Variants in DLGAP2 observed in about 807,000 individuals in gnomAD.
DLGAP2 encodes the protein disks large-associated protein 2.
Under a neutral mutation model 100.3 loss-of-function variants are expected in DLGAP2, and 26 were observed. The observed-to-expected ratio is 0.26, with a 90% confidence interval of 0.19 to 0.36. The LOEUF (loss-of-function observed/expected upper bound fraction) is 0.36, where lower values mean the gene tolerates loss of function less well. Among genes scored for constraint, DLGAP2 ranks in the 10% least tolerant of loss-of-function variants. The pLI, the probability that DLGAP2 is intolerant of heterozygous loss-of-function variation, is 1.00. For missense variants in DLGAP2, 1,858 were observed against 1,453.2 expected (o/e 1.28, Z -4.53); for synonymous variants, 886 against 630.1 (o/e 1.41, Z -6.08).
chr8:1,445,954 T>A (rs1036630898), intron 3 of DLGAP2, among the ~76,000 whole-genome samples: 3 of 152,218 alleles, frequency 2.0e-5, no homozygotes, highest in African/African-American at 7.2e-5. Context: ...TTTTTTCTTG[T>A]AAATTTGTTT....
chr8:1,274,077 C>A (rs886760906), intron 3 of DLGAP2, among the ~76,000 whole-genome samples: 2 of 152,080 alleles, frequency 1.3e-5, no homozygotes, highest in Non-Finnish European at 2.9e-5. Flanking sequence ...CGTGACGGCT[C>A]TGTTCAGCAT....
intron 2 of DLGAP2, among the ~76,000 whole-genome samples, chr8:1,252,112 G>C (rs997836023): frequency 2.6e-5 from 4 of 151,316 alleles, no homozygotes; most frequent in African/African-American, 9.8e-5. Flanking sequence ...CGGTGTCAAA[G>C]TCATGTCATG....
intron 1 of DLGAP2, among the ~76,000 whole-genome samples, chr8:860,194 C>T (rs532916760): frequency 7.2e-5 from 11 of 152,304 alleles, no homozygotes; most frequent in Middle Eastern, 3.4e-3. Context: ...GCCTTACAGA[C>T]GGCCTTTCAG....
chr8:1,481,922 T>G lies in DLGAP2; in HGVS notation c.107-19444T>G, dbSNP rs978706227. 4.6e-5 allele frequency among the ~76,000 whole-genome samples: 7 copies of G among 152,202 alleles called. No individual in the cohort carries two copies. The East Asian group carries it at 1.3e-3, about 29-fold the overall frequency. On this transcript the variant is annotated intron_variant, in intron 3 of 14. Coordinates refer to ENST00000637795, the MANE Select transcript of DLGAP2 (RefSeq NM_001346810.2). ...GGCTCAAGCTTCCAGCCCGACCCGA[T>G]TATCCTTCTGATGCCAGGGTCCCCC...
At chr8:1,235,570 A>C in intron 2 of DLGAP2, among the ~76,000 whole-genome samples, 1 of 133,838 alleles carries the variant, frequency 7.5e-6, no homozygotes, top group African/African-American at 3.4e-5. Flanking sequence ...TAGTTCTCTC[A>C]CATGGCACCA....
chr8:1,163,871 C>T (rs1049413429), intron 2 of DLGAP2, among the ~76,000 whole-genome samples: 4 of 152,200 alleles, frequency 2.6e-5, no homozygotes, highest in African/African-American at 9.6e-5. Context: ...GCTGCCGACA[C>T]GTCCTTGCTG....
At chr8:785,285 C>T (rs1004465824) in intron 1 of DLGAP2, among the ~76,000 whole-genome samples, 10 of 149,130 alleles carry the variant, frequency 6.7e-5, no homozygotes, top group African/African-American at 4.9e-5. Flanking sequence ...GCGCCGGATC[C>T]TGCCATGCTT....
intron 4 of DLGAP2, among the ~76,000 whole-genome samples, chr8:1,547,298 G>C (rs947734143): frequency 1.3e-5 from 2 of 152,156 alleles, no homozygotes; most frequent in African/African-American, 4.8e-5. Flanking sequence ...GGAGCTTGCT[G>C]TCCTAGATGT....
intron 1 of DLGAP2, among the ~76,000 whole-genome samples, chr8:847,066 C>T (rs1002540098): frequency 4.6e-5 from 7 of 152,072 alleles, no homozygotes; most frequent in African/African-American, 1.7e-4. Flanking sequence ...ATTCTTTTAC[C>T]TTACATATTT....
chr8:1,115,881 G>T (rs1240006044), intron 2 of DLGAP2, among the ~76,000 whole-genome samples: 1 of 152,210 alleles, frequency 6.6e-6, no homozygotes, highest in Admixed American at 6.5e-5. Context: ...GACTGTGCCA[G>T]GTGTATGGAA....
In DLGAP2 at chr8:1,447,868, A is replaced by T. The variant is rs150679445; in HGVS notation, c.107-53498A>T. ...ATTTCTTCTAGATTTTCTAGTTTATATACGTAGAGGTGTTTGTAGTATTCT... is the reference window on the plus strand; with the variant it reads ...ATTTCTTCTAGATTTTCTAGTTTATTTACGTAGAGGTGTTTGTAGTATTCT... On this transcript the variant is annotated intron_variant, in intron 3 of 14. Transcript: ENST00000637795. Among the ~76,000 whole-genome samples the T allele has an allele frequency of 7.2e-5, 11 of 152,246 alleles. No individual in the cohort carries two copies. The East Asian group carries it at 1.7e-3, about 24-fold the overall frequency.
At chr8:1,275,785 A>G (rs1052598652) in intron 3 of DLGAP2, among the ~76,000 whole-genome samples, 1 of 129,996 alleles carries the variant, frequency 7.7e-6, no homozygotes, top group Non-Finnish European at 1.6e-5. Context: ...ATATAAAAAT[A>G]TATAATATAT....
intron 2 of DLGAP2, among the ~76,000 whole-genome samples, chr8:1,051,726 A>G (rs1462122579): frequency 6.6e-6 from 1 of 152,068 alleles, no homozygotes; most frequent in Non-Finnish European, 1.5e-5. Context: ...AGATCCCGCC[A>G]CGCTCAGCAC....
intron 2 of DLGAP2, among the ~76,000 whole-genome samples, chr8:1,213,017 T>C (rs1798138331): frequency 6.6e-6 from 1 of 152,108 alleles, no homozygotes; most frequent in South Asian, 2.1e-4. Context: ...CTTGTTAAAT[T>C]CTGTAATTTG....
At chr8:1,686,855 A>G (rs1243624027) in intron 12 of DLGAP2, among the ~76,000 whole-genome samples, 1 of 152,232 alleles carries the variant, frequency 6.6e-6, no homozygotes, top group African/African-American at 2.4e-5. Flanking sequence ...CATGTATTTC[A>G]AACTAGCTAG....
At chr8:1,142,152 T>C (rs1477654961) in intron 2 of DLGAP2, among the ~76,000 whole-genome samples, 3 of 152,204 alleles carry the variant, frequency 2.0e-5, no homozygotes, top group Admixed American at 6.5e-5. Flanking sequence ...ATTTGCATTT[T>C]ATTTAAGGAT....
chr8:1,199,839 C>G (rs1412537731), intron 2 of DLGAP2, among the ~76,000 whole-genome samples: 1 of 152,036 alleles, frequency 6.6e-6, no homozygotes, highest in Non-Finnish European at 1.5e-5. Flanking sequence ...AAAAATAACT[C>G]TTAGAAACAC....
chr8:1,197,865 C>T (rs1303545061), intron 2 of DLGAP2, among the ~76,000 whole-genome samples: 1 of 152,178 alleles, frequency 6.6e-6, no homozygotes, highest in Non-Finnish European at 1.5e-5. Flanking sequence ...GGTTTCTCGT[C>T]TCCTGGGCCC....
chr8:954,186 A>G (rs151231221), intron 2 of DLGAP2, among the ~76,000 whole-genome samples: 92 of 152,300 alleles, frequency 6.0e-4, no homozygotes, highest in African/African-American at 2.0e-3. Flanking sequence ...GGCATTTTTA[A>G]AGTTACCAGT....
Sources: allele counts gnomAD v4.1 joint callset (sites outside exome capture counted in the v4.1 genomes callset), GRCh38; gene constraint gnomAD v4.1.1; transcripts MANE v1.5; gene names NCBI Gene and HGNC (gene_info 2026-07-23, HGNC 2026-07-21).